YBEY: variants seen among roughly 807,000 people sequenced by gnomAD.
YBEY encodes the protein endoribonuclease YbeY.
Under a neutral mutation model 13.5 loss-of-function variants are expected in YBEY, and 15 were observed. That is an observed-to-expected ratio of 1.11 (90% CI 0.75 to 1.72). The LOEUF (loss-of-function observed/expected upper bound fraction) is 1.72. Among genes scored for constraint, YBEY ranks in the 40% most tolerant of loss-of-function variants. The pLI, the probability that YBEY is intolerant of heterozygous loss-of-function variation, is 0.00. For missense variants in YBEY, 244 were observed against 208.4 expected (o/e 1.17, Z -1.05); for synonymous variants, 101 against 83.1 (o/e 1.21, Z -1.17).
the YBEY span, among the ~76,000 whole-genome samples, chr21:46,303,634 T>C: frequency 1.5e-5 from 2 of 136,950 alleles, no homozygotes; most frequent in Admixed American, 7.8e-5. Context: ...GGAGAAGTCC[T>C]TGAGACCAGG....
rs1022158652 is a variant in YBEY, at chr21:46,297,409, C to T, written c.409-130C>T. 3.4e-6 allele frequency: 3 copies of T among 881,216 alleles called. No homozygotes were observed. The Admixed American group carries it at 1.3e-4, about 38-fold the overall frequency. The allele number at this position is 881,216 out of a possible 1,614,324, so 54.6% of individuals were successfully genotyped here. ...CCCGGAGCCGGGTCCCGCCTTCGGC[C>T]TGAGCTAGAGCCGCGCGGGCGGCCG... is the stretch of plus-strand genomic sequence containing the variant. On this transcript the variant is annotated intron_variant, in intron 4 of 4. Coordinates refer to ENST00000397701, the MANE Select transcript of YBEY (RefSeq NM_001314025.2).
Position 46,286,864 on chromosome 21 carries a change from C to CAA in YBEY, c.-44-6_-44-5insAA, listed in dbSNP as rs1393214114. Reference sequence around the variant, plus strand: ...TGATTGGTCTTCTCTTACACTTTAACCCCAGGTTCCGTTGCAAACATTTTT... The same window carrying CAA: ...TGATTGGTCTTCTCTTACACTTTAACAACCCAGGTTCCGTTGCAAACATTTTT... On this transcript the variant is annotated splice_polypyrimidine_tract_variant and splice_region_variant and intron_variant, in intron 1 of 4. Transcript: ENST00000397701. The CAA allele has an allele frequency of 6.3e-7, 1 of 1,585,354 alleles. No individual in the cohort carries two copies. The highest frequency in any genetic ancestry group is 8.6e-7 in the Non-Finnish European group (1 of 1,156,272).
At position 46,296,170 on chromosome 21, in the gene YBEY, C is replaced by T; in HGVS notation, c.348C>T (p.Ala116=). ...EDYNDVLTVT[A]THGLCHLLGF... ...TAAAATTATTCTGACAGGTGACGGC[C>T]ACCCACGGACTCTGTCACTTGCTGG... Residue 116 remains alanine (A), a synonymous_variant, in exon 4 of 5, where the codon GCC becomes GCT. Transcript: ENST00000397701. 6.2e-7 allele frequency: 1 copy of T among 1,613,810 alleles called. No homozygotes were observed. Among genetic ancestry groups the T allele is most frequent in the African/African-American group, 1.3e-5 (1 of 75,038 alleles).
rs1030864099 is a variant in YBEY at position 46,287,211 on chromosome 21, A to G, written c.210+88A>G. On this transcript the variant is annotated intron_variant, in intron 2 of 4. Transcript: ENST00000397701. ...TTGTTTTGTTTTGTTTTGTTTTTTA[A>G]TTGAGACGGAGTCTTGCTCTGTCAC... The G allele has an allele frequency of 1.5e-5, 19 of 1,295,586 alleles. No homozygotes were observed. In the Admixed American group the frequency reaches 4.4e-4, roughly 30 times the overall value. 80.3% of individuals were successfully genotyped at this position (1,295,586 alleles called of 1,614,324 possible).
rs118025860 is a variant in YBEY, at chr21:46,291,847, G to A, written c.339+385G>A. ...TTCTCCTCAGTGTAATCCACCTATGGGTTCTTCCTGCCCACTGCACAGACA... is the reference window on the plus strand; with the variant it reads ...TTCTCCTCAGTGTAATCCACCTATGAGTTCTTCCTGCCCACTGCACAGACA... On this transcript the variant is annotated intron_variant, in intron 3 of 4. Coordinates refer to ENST00000397701, the MANE Select transcript of YBEY (RefSeq NM_001314025.2). 14 of 1,060,046 alleles carry A rather than the reference G, an allele frequency of 1.3e-5. No homozygotes were observed. The East Asian group carries it at 1.2e-3, about 92-fold the overall frequency. The allele number at this position is 1,060,046 out of a possible 1,614,324, so 65.7% of individuals were successfully genotyped here. A position where few individuals can be genotyped will look rare whatever the true frequency, so the allele number is the denominator to read the frequency against.
chr21:46,292,191 G>T (rs2088280298), intron 3 of YBEY: 2 of 152,286 alleles, frequency 1.3e-5, no homozygotes, highest in Non-Finnish European at 2.9e-5. Flanking sequence ...CATCCCAAAA[G>T]ACCATTCTTA....
chr21:46,294,693 G>A (rs66928986), intron 3 of YBEY, among the ~76,000 whole-genome samples: 27,333 of 50,096 alleles, frequency 0.55, 10,804 homozygotes, highest in Non-Finnish European at 0.8. Flanking sequence ...ACTCAGTGGA[G>A]TCAGCCACCC....
chr21:46,287,182 C>CGTTTT (rs965322762), intron 2 of YBEY, 59 bp downstream of exon 2: 176 of 1,482,202 alleles, frequency 1.2e-4, no homozygotes, highest in African/African-American at 1.0e-3. Context: ...AATTTCCTGT[C>CGTTTT]GTTTTGTTTT....
At chr21:46,294,264 TAGACTCTAGATTAAATTCCTCC>T (rs2081858826) in intron 3 of YBEY, among the ~76,000 whole-genome samples, 1 of 80,544 alleles carries the variant, frequency 1.2e-5, no homozygotes, top group African/African-American at 4.3e-5. Context: ...CCACGCAAGT[TAGACTCTAGATTAAATTCCTCC>T]CGCGGTTAGC....
chr21:46,289,176 A>G (rs1164918612), intron 2 of YBEY, among the ~76,000 whole-genome samples: 2 of 152,208 alleles, frequency 1.3e-5, no homozygotes, highest in East Asian at 3.8e-4. Context: ...CTTTAGGACA[A>G]AATACCAAGT....
chr21:46,297,505 C>A, intron 4 of YBEY, 34 bp from the exon 5 acceptor site: 2 of 1,354,324 alleles, frequency 1.5e-6, no homozygotes, highest in Non-Finnish European at 1.9e-6. Context: ...GGACACCTTC[C>A]CTGGGGAGGG....
intron 3 of YBEY, 37 bp downstream of exon 3, chr21:46,291,499 T>A (rs567218067): frequency 1.2e-6 from 2 of 1,611,378 alleles, no homozygotes; most frequent in African/African-American, 2.7e-5. Flanking sequence ...ACCTGGCTCA[T>A]GGAACATGGG....
the YBEY span, among the ~76,000 whole-genome samples, chr21:46,310,268 G>A: frequency 6.6e-6 from 1 of 152,034 alleles, no homozygotes; most frequent in African/African-American, 2.4e-5. Context: ...CCTGAGGTCA[G>A]GAGTTCGAGA....
At chr21:46,298,451 C>G (rs1421651835), downstream of YBEY, among the ~76,000 whole-genome samples, 1 of 24,600 alleles carries the variant, frequency 4.1e-5, no homozygotes. Flanking sequence ...TTTTTTGAGA[C>G]GGAGTCTCGC....
Position 46,297,635 on chromosome 21 carries a change from G to A in YBEY, c.*1G>A, listed in dbSNP as rs1252356539. 2.3e-6 allele frequency: 3 copies of A among 1,310,558 alleles called. No homozygotes were observed. The highest frequency in any genetic ancestry group is 2.9e-6 in the Non-Finnish European group (3 of 1,017,080). The allele number at this position is 1,310,558 out of a possible 1,614,324, so 81.2% of individuals were successfully genotyped here. ...CCGGGGCCTCTTCGGAGGGAGCTGA[G>A]GGCCGCGTTCCTTCTGAAAGCGGGA... On this transcript the variant is annotated 3_prime_UTR_variant, in exon 5 of 5. Transcript: ENST00000397701.
chr21:46,297,646 C>G lies in YBEY; in HGVS notation c.*12C>G. The G allele has an allele frequency of 7.7e-7, 1 of 1,293,106 alleles. No individual in the cohort carries two copies. Among genetic ancestry groups the G allele is most frequent in the Non-Finnish European group, 9.9e-7 (1 of 1,008,386 alleles). The allele number at this position is 1,293,106 out of a possible 1,614,324, so 80.1% of individuals were successfully genotyped here. A position where few individuals can be genotyped will look rare whatever the true frequency, so the allele number is the denominator to read the frequency against. On this transcript the variant is annotated 3_prime_UTR_variant, in exon 5 of 5. Transcript: ENST00000397701. The stretch of plus-strand genomic sequence containing the variant: ...TCGGAGGGAGCTGAGGGCCGCGTTC[C>G]TTCTGAAAGCGGGACGCGGGAGGGG...
At chr21:46,303,704 AC>A in the YBEY span, among the ~76,000 whole-genome samples, 1,516 of 47,470 alleles carry the variant, frequency 0.032, 11 homozygotes, top group East Asian at 0.038. Context: ...ACACACACAC[AC>A]AAAATATATA....
At chr21:46,292,571 G>T (rs1247132733) in intron 3 of YBEY, among the ~76,000 whole-genome samples, 1 of 137,922 alleles carries the variant, frequency 7.3e-6, no homozygotes, top group African/African-American at 2.6e-5. Flanking sequence ...TTAAACTCTA[G>T]ATTAAATTCC....
Position 46,297,727 on chromosome 21 carries a change from G to T in YBEY, c.*93G>T. ...GAATAAATAACGAATGAACGTACGA[G>T]GGGAACCTCCTCTTATTTCCTTCAC... On this transcript the variant is annotated 3_prime_UTR_variant, in exon 5 of 5. Transcript: ENST00000397701. The T allele has an allele frequency of 8.0e-7, 1 of 1,252,046 alleles. No homozygotes were observed. The highest frequency in any genetic ancestry group is 3.7e-5 in the South Asian group (1 of 27,188). The allele number at this position is 1,252,046 out of a possible 1,614,324, so 77.6% of individuals were successfully genotyped here.
Sources: allele counts gnomAD v4.1 joint callset (sites outside exome capture counted in the v4.1 genomes callset), GRCh38; gene constraint gnomAD v4.1.1; transcripts MANE v1.5; gene names NCBI Gene and HGNC (gene_info 2026-07-23, HGNC 2026-07-21).